The following CNBD1 variants were observed in gnomAD, a reference collection of about 807,000 sequenced individuals.
CNBD1 encodes cyclic nucleotide-binding domain-containing protein 1.
Under a neutral mutation model 54.4 loss-of-function variants are expected in CNBD1, and 71 were observed. The ratio of observed to expected loss-of-function variants is 1.30; its 90% confidence interval spans 1.08 to 1.59. The LOEUF is 1.59. Among genes scored for constraint, CNBD1 ranks in the 40% most tolerant of loss-of-function variants. The pLI is 0.00. For missense variants in CNBD1, 659 were observed against 518.0 expected, an observed-to-expected ratio of 1.27 and a Z score of -2.64; for synonymous variants, 182 against 170.7, an observed-to-expected ratio of 1.07 and a Z score of -0.51.
At chr8:87,323,753 G>A (rs1809596713) in intron 8 of CNBD1, among the ~76,000 whole-genome samples, 1 of 127,196 alleles carries the variant, frequency 7.9e-6, no homozygotes, top group South Asian at 2.3e-4. Context: ...TGCAAACAGG[G>A]ACAATTTGAC....
At chr8:87,390,938 G>T (rs897857512) in intron 2 of CNBD1, among the ~76,000 whole-genome samples, 1 of 152,118 alleles carries the variant, frequency 6.6e-6, no homozygotes, top group Admixed American at 6.6e-5. Context: ...CATATCCTTT[G>T]TAGGGAGATG....
chr8:86,992,199 G>C (rs1470139057), intron 4 of CNBD1, among the ~76,000 whole-genome samples: 1 of 151,942 alleles, frequency 6.6e-6, no homozygotes, highest in East Asian at 1.9e-4. Flanking sequence ...TCCAATGTTG[G>C]GTGCATATAT....
chr8:87,086,060 G>C (rs1423324620), intron 4 of CNBD1, among the ~76,000 whole-genome samples: 5 of 152,110 alleles, frequency 3.3e-5, no homozygotes, highest in Admixed American at 6.5e-5. Flanking sequence ...GGGAGCTTTT[G>C]TAATTTCAGC....
intron 4 of CNBD1, among the ~76,000 whole-genome samples, chr8:87,001,945 A>G (rs1809001934): frequency 1.3e-5 from 2 of 152,122 alleles, no homozygotes; most frequent in Non-Finnish European, 2.9e-5. Flanking sequence ...TATTGTTCTC[A>G]GTAGTGTTTT....
intron 5 of CNBD1, among the ~76,000 whole-genome samples, chr8:87,215,946 A>G (rs1814200719): frequency 1.3e-5 from 2 of 152,208 alleles, no homozygotes; most frequent in South Asian, 4.1e-4. Flanking sequence ...CTATGGTTTT[A>G]TTTATTCTGA....
intron 8 of CNBD1, among the ~76,000 whole-genome samples, chr8:87,348,328 A>T (rs1810215475): frequency 6.6e-6 from 1 of 152,192 alleles, no homozygotes; most frequent in Non-Finnish European, 1.5e-5. Context: ...TGGGTAAAGT[A>T]TTGATGTTTA....
intron 4 of CNBD1, among the ~76,000 whole-genome samples, chr8:86,960,016 G>A (rs895562210): frequency 2.0e-5 from 3 of 152,112 alleles, no homozygotes; most frequent in Non-Finnish European, 2.9e-5. Flanking sequence ...TGATGATGGT[G>A]ACCTACCGAT....
chr8:86,921,314 C>G (rs966301662), intron 3 of CNBD1, among the ~76,000 whole-genome samples: 2 of 151,782 alleles, frequency 1.3e-5, no homozygotes, highest in Non-Finnish European at 2.9e-5. Context: ...CTCTGAGCTC[C>G]AAGGTCTGTT....
chr8:87,188,027 C>G (rs575606365), intron 4 of CNBD1, among the ~76,000 whole-genome samples: 11 of 152,294 alleles, frequency 7.2e-5, no homozygotes, highest in African/African-American at 2.6e-4. Context: ...CCTCATTGCT[C>G]TCTCTGCTCC....
chr8:87,393,694 A>G (rs1811356002), intron 2 of CNBD1, among the ~76,000 whole-genome samples: 1 of 151,932 alleles, frequency 6.6e-6, no homozygotes, highest in South Asian at 2.1e-4. Flanking sequence ...AAATGCCAAG[A>G]TGAGTGGTTA....
rs998255012 is a variant in CNBD1 at position 87,397,159 on chromosome 8, CAT to C, written c.214-31382_214-31381del. Among the ~76,000 whole-genome samples the C allele has an allele frequency of 8.6e-5, 13 of 151,624 alleles. No individual in the cohort carries two copies. The Middle Eastern group carries it at 0.017, about 200-fold the overall frequency. The stretch of plus-strand genomic sequence containing the variant: ...ACTCTTGCCTTATTTTTTTATTTTG[CAT>C]ATATTTTGGGTTATTCTTATGCCCT... On this transcript the variant is annotated intron_variant, in intron 2 of 7. Coordinates refer to the CNBD1 transcript ENST00000521593.
At chr8:87,357,014 A>G (rs1810433492) in intron 10 of CNBD1, among the ~76,000 whole-genome samples, 1 of 152,212 alleles carries the variant, frequency 6.6e-6, no homozygotes, top group Non-Finnish European at 1.5e-5. Flanking sequence ...CTACTGCTCC[A>G]GAGACTGTAA....
intron 4 of CNBD1, among the ~76,000 whole-genome samples, chr8:87,180,115 A>G (rs541263187): frequency 6.2e-4 from 95 of 152,296 alleles, no homozygotes; most frequent in Non-Finnish European, 1.2e-3. Context: ...CTGCAAATAG[A>G]AGCCAAGATA....
In CNBD1 at chr8:87,030,977, T is replaced by C. The variant is rs1387897550; in HGVS notation, c.431+91223T>C. Among the ~76,000 whole-genome samples the C allele has an allele frequency of 2.2e-5, 3 of 135,644 alleles. No homozygotes were observed. The Admixed American group carries it at 2.3e-4, about 10-fold the overall frequency. The allele number at this position is 135,644 out of a possible 152,430, so 89.0% of individuals were successfully genotyped here. On this transcript the variant is annotated intron_variant, in intron 4 of 10. Transcript: ENST00000518476. ...CTTCCTCTCCCCCCTTCTTTCTCCT[T>C]CTTTCTTTCTCCTTTTTTTGTAATC...
At chr8:86,966,993 G>A (rs932139121) in intron 4 of CNBD1, among the ~76,000 whole-genome samples, 1 of 152,150 alleles carries the variant, frequency 6.6e-6, no homozygotes, top group Non-Finnish European at 1.5e-5. Flanking sequence ...GTGCTGATTG[G>A]TGTATTTACA....
chr8:87,115,265 A>G (rs895444450), intron 4 of CNBD1, among the ~76,000 whole-genome samples: 5 of 152,240 alleles, frequency 3.3e-5, no homozygotes, highest in African/African-American at 1.2e-4. Context: ...AAACTGAGAT[A>G]CATGCAGTAC....
chr8:87,368,017 C>T (rs1333443571), intron 10 of CNBD1, among the ~76,000 whole-genome samples: 3 of 151,958 alleles, frequency 2.0e-5, no homozygotes, highest in Non-Finnish European at 2.9e-5. Context: ...CAAAAATTAG[C>T]TGGGCATGAT....
At chr8:87,331,234 C>T (rs1477616962) in intron 8 of CNBD1, among the ~76,000 whole-genome samples, 1 of 152,044 alleles carries the variant, frequency 6.6e-6, no homozygotes, top group Non-Finnish European at 1.5e-5. Context: ...GCTGACAGGT[C>T]CAGGTGTGTG....
intron 6 of CNBD1, among the ~76,000 whole-genome samples, chr8:87,240,935 C>A (rs1277858271): frequency 6.6e-6 from 1 of 152,000 alleles, no homozygotes; most frequent in Admixed American, 6.6e-5. Flanking sequence ...CAGGGTTGTT[C>A]CCTTTTCGTA....
Sources: allele counts gnomAD v4.1 joint callset (sites outside exome capture counted in the v4.1 genomes callset), GRCh38; gene constraint gnomAD v4.1.1; transcripts MANE v1.5; gene names NCBI Gene and HGNC (gene_info 2026-07-23, HGNC 2026-07-21).